KCNT1: variants seen among roughly 807,000 people sequenced by gnomAD.
KCNT1 encodes potassium sodium-activated channel subfamily T member 1, also known as potassium channel subfamily T member 1.
A neutral mutation model predicts 147.8 loss-of-function variants in KCNT1; 78 were observed. The ratio of observed to expected loss-of-function variants is 0.53; its 90% CI spans 0.44 to 0.64. KCNT1 has a LOEUF of 0.64. Ranked by LOEUF, KCNT1 falls within the 30% of genes least tolerant of loss-of-function variation. KCNT1 has a pLI of 0.00. For missense variants in KCNT1, 1,419 were observed against 1,750.3 expected (o/e 0.81, Z 3.38); for synonymous variants, 867 against 748.8 (o/e 1.16, Z -2.58).
Position 135,751,146 on chromosome 9 carries a change from C to A in KCNT1, c.434+105C>A, listed in dbSNP as rs1831141052. 3 of 1,097,044 alleles carry A rather than the reference C, an allele frequency of 2.7e-6. No individual in the cohort carries two copies. In the Admixed American group the frequency reaches 5.5e-5, roughly 20 times the overall value. The allele number at this position is 1,097,044 out of a possible 1,614,324, so 68.0% of individuals were successfully genotyped here. A position where few individuals can be genotyped will look rare whatever the true frequency, so the allele number is the denominator to read the frequency against. On this transcript the variant is annotated intron_variant, in intron 4 of 30. Transcript: ENST00000371757. ...GGCGTCCCTGGGGGAGCCCCTGTGC[C>A]TGGGGCCTTGGGGAGTCCTTCCTTC...
intron 29 of KCNT1, among the ~76,000 whole-genome samples, chr9:135,787,147 C>T (rs1038531269): frequency 6.6e-6 from 1 of 152,198 alleles, no homozygotes; most frequent in African/African-American, 2.4e-5. Flanking sequence ...CTCTGTCCAC[C>T]ATGGGCCTGT....
At chr9:135,713,385 C>A (rs1413938031) in intron 1 of KCNT1, among the ~76,000 whole-genome samples, 3 of 152,262 alleles carry the variant, frequency 2.0e-5, no homozygotes, top group South Asian at 4.1e-4. Flanking sequence ...GGGGCACGCA[C>A]CTGCTGCCTG....
intron 2 of KCNT1, 73 bp from the exon 3 acceptor site, chr9:135,750,025 T>G: frequency 3.2e-6 from 4 of 1,234,984 alleles, no homozygotes; most frequent in Non-Finnish European, 3.6e-6. Flanking sequence ...TCAGTCAGGT[T>G]GGGGCTCCCG....
At chr9:135,753,226 C>T (rs1351463827) in intron 4 of KCNT1, among the ~76,000 whole-genome samples, 1 of 152,090 alleles carries the variant, frequency 6.6e-6, no homozygotes, top group African/African-American at 2.4e-5. Context: ...TTTGCAACAA[C>T]CCCATTAAAA....
chr9:135,740,437 G>T (rs1380442997), intron 2 of KCNT1, among the ~76,000 whole-genome samples: 2 of 152,194 alleles, frequency 1.3e-5, no homozygotes, highest in Non-Finnish European at 2.9e-5. Context: ...CCCCCAGTCA[G>T]CCCAGAGGGG....
In KCNT1 at chr9:135,792,061, C is replaced by A. The variant is rs762025166; in HGVS notation, c.3608C>A (p.Pro1203His). The A allele has an allele frequency of 3.7e-6, 6 of 1,604,462 alleles. No homozygotes were observed. Among genetic ancestry groups the A allele is most frequent in the Non-Finnish European group, 5.1e-6 (6 of 1,179,796 alleles). ...CGCAGCTATCTCATCCGCTCCGACCCCCTGGCTCACGTGGCCAGCAGCTCC... is the reference window on the plus strand; with the variant it reads ...CGCAGCTATCTCATCCGCTCCGACCACCTGGCTCACGTGGCCAGCAGCTCC... ...SDIVYLIRSD[P>H]LAHVASSSQS... The change falls in exon 31 of 31, where the codon CCC becomes CAC. Residue 1203 changes from proline to histidine, a missense_variant. By Grantham distance (77) the Pro-to-His change is moderately conservative. This residue lies in a region of KCNT1 where 306 missense variants were observed against 294.2 expected (regional missense o/e 1.04). Coordinates refer to ENST00000371757, the MANE Select transcript of KCNT1 (RefSeq NM_020822.3).
intron 2 of KCNT1, among the ~76,000 whole-genome samples, chr9:135,729,658 G>A (rs916417417): frequency 1.4e-4 from 22 of 152,194 alleles, no homozygotes; most frequent in Non-Finnish European, 2.6e-4. Flanking sequence ...AGTTTCCACC[G>A]TCTGCACGTG....
At chr9:135,770,592 G>A (rs1367051468) in intron 17 of KCNT1, 145 bp downstream of exon 17, 20 of 1,108,338 alleles carry the variant, frequency 1.8e-5, no homozygotes, top group East Asian at 1.3e-4. Flanking sequence ...CCTGCCTGGC[G>A]AGGGCAGCCG....
chr9:135,734,980 C>T (rs753834150), intron 2 of KCNT1, among the ~76,000 whole-genome samples: 1 of 152,194 alleles, frequency 6.6e-6, no homozygotes, highest in Non-Finnish European at 1.5e-5. Context: ...ATGGGGCTCA[C>T]TCAGCAGCAC....
At chr9:135,791,618 AC>A (rs1174928691) in intron 29 of KCNT1, 178 bp from the exon 30 acceptor site, 3 of 600,426 alleles carry the variant, frequency 5.0e-6, no homozygotes, top group Non-Finnish European at 8.9e-6. Context: ...TGGAGATGGG[AC>A]AGGTGTCGGT....
At position 135,792,257 on chromosome 9, in the gene KCNT1, G is replaced by A. The variant is rs1017271873; in HGVS notation, c.*96G>A. On this transcript the variant is annotated 3_prime_UTR_variant, in exon 31 of 31. Coordinates refer to ENST00000371757, the MANE Select transcript of KCNT1 (RefSeq NM_020822.3). Reference sequence around the variant, plus strand: ...ACACGGTGGCACTAGCGTGACCCTGGGGATGGCACACTCTACTCACCATGG... The same window carrying A: ...ACACGGTGGCACTAGCGTGACCCTGAGGATGGCACACTCTACTCACCATGG... 2.8e-5 allele frequency: 40 copies of A among 1,417,632 alleles called. No individual in the cohort carries two copies. The highest frequency in any genetic ancestry group is 2.0e-4 in the Middle Eastern group (1 of 5,008). The allele number at this position is 1,417,632 out of a possible 1,614,324, so 87.8% of individuals were successfully genotyped here.
At chr9:135,775,980 C>T (rs1833143864) in intron 20 of KCNT1, among the ~76,000 whole-genome samples, 2 of 151,916 alleles carry the variant, frequency 1.3e-5, no homozygotes, top group Admixed American at 1.3e-4. Context: ...GACCAGTGAC[C>T]TGGTGGCAGG....
chr9:135,784,742 C>A lies in KCNT1; in HGVS notation c.3028-19C>A. The A allele has an allele frequency of 6.2e-7, 1 of 1,611,106 alleles. No homozygotes were observed. Among genetic ancestry groups the A allele is most frequent in the South Asian group, 1.1e-5 (1 of 90,992 alleles). On this transcript the variant is annotated intron_variant, in intron 26 of 30. Coordinates refer to ENST00000371757, the MANE Select transcript of KCNT1 (RefSeq NM_020822.3). The stretch of plus-strand genomic sequence containing the variant: ...GTGCTGCCACCTGCCCCAGCCAACT[C>A]AGGGTTCCCACCCTGCAGATGAAAA...
In KCNT1 at chr9:135,787,484, C is replaced by T. The variant is rs1158264753; in HGVS notation, c.3502+963C>T. On this transcript the variant is annotated intron_variant, in intron 29 of 30. Coordinates refer to ENST00000371757, the MANE Select transcript of KCNT1 (RefSeq NM_020822.3). ...CCTGATGCTCAGGGCTGCCTCTGTC[C>T]CGTCGGAGTGCCCCGTCTCCCAACC... is the stretch of plus-strand genomic sequence containing the variant. Among the ~76,000 whole-genome samples, 3 of 152,352 alleles carry T rather than the reference C, an allele frequency of 2.0e-5. No individual in the cohort carries two copies. The South Asian group carries it at 6.2e-4, about 32-fold the overall frequency.
At chr9:135,732,596 G>A (rs111273290) in intron 2 of KCNT1, among the ~76,000 whole-genome samples, 1 of 152,146 alleles carries the variant, frequency 6.6e-6, no homozygotes. Context: ...TGGCTGCTGA[G>A]ATGAACAGGC....
At chr9:135,728,121 G>A (rs1205669931) in intron 2 of KCNT1, among the ~76,000 whole-genome samples, 1 of 152,228 alleles carries the variant, frequency 6.6e-6, no homozygotes, top group East Asian at 1.9e-4. Flanking sequence ...CTGGAGTGAT[G>A]TGGCCACCGC....
In KCNT1 at chr9:135,786,313, C is replaced by T. The variant is rs1834043364; in HGVS notation, c.3294C>T (p.Asp1098=). ...SSQGRHTGGG[D]PAEHPLLRRK... ...AGGGCCGCCACACGGGCGGCGGTGA[C>T]CCCGCAGAGCACCCACTGCTACGGC... Residue 1098 remains aspartate, a synonymous_variant, in exon 29 of 31, where the codon GAC becomes GAT. Transcript: ENST00000371757. 1 of 1,600,694 alleles carries T rather than the reference C, an allele frequency of 6.2e-7. No individual in the cohort carries two copies. Among genetic ancestry groups the T allele is most frequent in the Non-Finnish European group, 8.5e-7 (1 of 1,175,172 alleles).
intron 2 of KCNT1, among the ~76,000 whole-genome samples, chr9:135,743,827 G>T (rs1051777394): frequency 3.3e-5 from 5 of 152,218 alleles, no homozygotes; most frequent in African/African-American, 1.2e-4. Context: ...CAAGCTATGG[G>T]GGGGCCCCAG....
At chr9:135,754,190 A>G (rs1267129852) in intron 5 of KCNT1, among the ~76,000 whole-genome samples, 197 bp downstream of exon 5, 1 of 151,714 alleles carries the variant, frequency 6.6e-6, no homozygotes, top group Non-Finnish European at 1.5e-5. Flanking sequence ...GGTGGGATGG[A>G]CAGAGGCTCA....
Sources: allele counts gnomAD v4.1 joint callset (sites outside exome capture counted in the v4.1 genomes callset), GRCh38; gene constraint gnomAD v4.1.1; regional missense constraint gnomAD v4.1.1; transcripts MANE v1.5; gene names NCBI Gene and HGNC (gene_info 2026-07-23, HGNC 2026-07-21).